The following OSGEPL1 variants were observed in gnomAD, a reference collection of about 807,000 sequenced individuals.
OSGEPL1 encodes O-sialoglycoprotein endopeptidase like 1.
In OSGEPL1, 26 loss-of-function variants were observed where a neutral mutation model predicts 37.2. The ratio of observed to expected loss-of-function variants is 0.70; its 90% CI spans 0.51 to 0.97. OSGEPL1 has a LOEUF of 0.97. Among genes scored for constraint, OSGEPL1 ranks in the 50% least tolerant of loss-of-function variants. The pLI is 0.00. For missense variants in OSGEPL1, 404 were observed against 487.0 expected (o/e 0.83, Z 1.60); for synonymous variants, 140 against 159.9 (o/e 0.88, Z 0.94).
chr2:189,751,444 GTTTT>G (rs779920289), intron 7 of OSGEPL1, among the ~76,000 whole-genome samples: 2 of 126,126 alleles, frequency 1.6e-5, no homozygotes, highest in Admixed American at 8.4e-5. Context: ...GACAAGTTGT[GTTTT>G]TTTTTTTTTT....
upstream of OSGEPL1, chr2:189,763,157 T>C: frequency 1.0e-6 from 1 of 984,858 alleles, no homozygotes; most frequent in Non-Finnish European, 1.2e-6. Context: ...AACTTAGGGG[T>C]GAGGTACCTG....
At position 189,755,293 on chromosome 2, in the gene OSGEPL1, A is replaced by G. The variant is rs748741114; in HGVS notation, c.489T>C (p.Phe163=). ...CAGAAATCAAAAGAACTAAAAAAGGAAATTCTACTTTATTGGTCAACCTAA... is the reference window on the plus strand; with the variant it reads ...CAGAAATCAAAAGAACTAAAAAAGGGAATTCTACTTTATTGGTCAACCTAA... ...LTIRLTNKVE[F]PFLVLLISGG... Residue 163 remains phenylalanine (F), a synonymous_variant, in exon 3 of 9, where the codon TTT becomes TTC. Coordinates refer to ENST00000264151, the MANE Select transcript of OSGEPL1 (RefSeq NM_022353.3). The G allele has an allele frequency of 6.2e-7, 1 of 1,613,542 alleles. No individual in the cohort carries two copies. Among genetic ancestry groups the G allele is most frequent in the Non-Finnish European group, 8.5e-7 (1 of 1,179,738 alleles).
At chr2:189,749,244 T>TTA (rs757098359) in intron 8 of OSGEPL1, among the ~76,000 whole-genome samples, 3 of 63,254 alleles carry the variant, frequency 4.7e-5, no homozygotes, top group African/African-American at 1.3e-4. Context: ...AGACTCTGTC[T>TTA]AAAAAAAAAA....
At chr2:189,754,423 A>G in intron 3 of OSGEPL1, 78 bp from the exon 4 acceptor site, 5 of 1,334,842 alleles carry the variant, frequency 3.7e-6, no homozygotes, top group Non-Finnish European at 5.1e-6. Flanking sequence ...ATAAATTGAA[A>G]ATTACTAACA....
chr2:189,753,068 A>G (rs2045531223), intron 5 of OSGEPL1, 89 bp from the exon 6 acceptor site: 2 of 1,201,148 alleles, frequency 1.7e-6, no homozygotes, highest in Non-Finnish European at 2.3e-6. Context: ...TCAGCATTAA[A>G]CAATAATAAA....
chr2:189,753,183 G>T (rs2045555152), intron 5 of OSGEPL1: 2 of 341,908 alleles, frequency 5.8e-6, no homozygotes. Context: ...AACATTACTA[G>T]CATTTTTGTA....
At position 189,755,584 on chromosome 2, in the gene OSGEPL1, T is replaced by A. The variant is rs756662240; in HGVS notation, c.222-24A>T. On this transcript the variant is annotated intron_variant, in intron 2 of 8. Coordinates refer to ENST00000264151, the MANE Select transcript of OSGEPL1 (RefSeq NM_022353.3). ...TTCTGAAAGAAAGAAAGACAGCATT[T>A]TGTAGTTTTAAGATTGTAAAAATGA... is the stretch of plus-strand genomic sequence containing the variant. 1.3e-5 allele frequency: 20 copies of A among 1,572,704 alleles called. No individual in the cohort carries two copies. The Admixed American group carries it at 4.0e-4, about 31-fold the overall frequency.
intron 5 of OSGEPL1, 156 bp from the exon 6 acceptor site, chr2:189,753,135 G>A: frequency 9.1e-6 from 5 of 547,052 alleles, no homozygotes; most frequent in South Asian, 1.1e-4. Flanking sequence ...ATAAAAATTT[G>A]GAAAGAAAAA....
chr2:189,756,381 T>TA (rs1349924261), intron 2 of OSGEPL1, among the ~76,000 whole-genome samples: 1 of 152,146 alleles, frequency 6.6e-6, no homozygotes, highest in East Asian at 1.9e-4. Context: ...AGCAATAAAA[T>TA]AGAGTCTGCA....
intron 2 of OSGEPL1, among the ~76,000 whole-genome samples, chr2:189,759,755 AT>A (rs2046696882): frequency 6.6e-6 from 1 of 151,662 alleles, no homozygotes; most frequent in Admixed American, 6.6e-5. Flanking sequence ...TTATTTATTT[AT>A]TTATTTATTT....
chr2:189,752,884 G>C lies in OSGEPL1; in HGVS notation c.1059C>G (p.Pro353=). 6.2e-7 allele frequency: 1 copy of C among 1,613,878 alleles called. No individual in the cohort carries two copies. The highest frequency in any genetic ancestry group is 8.5e-7 in the Non-Finnish European group (1 of 1,179,818). ...ATQCTLLCPP[P]RLCTDNGIMI... The stretch of plus-strand genomic sequence containing the variant: ...TAATGCCATTATCAGTGCATAGTCT[G>C]GGAGGAGGACACAACAAAGTGCACT... Residue 353 remains proline, a synonymous_variant, in exon 6 of 9, where the codon CCC becomes CCG. Coordinates refer to ENST00000264151, the MANE Select transcript of OSGEPL1 (RefSeq NM_022353.3).
chr2:189,751,748 G>A (rs2045284612), intron 7 of OSGEPL1, among the ~76,000 whole-genome samples: 1 of 151,690 alleles, frequency 6.6e-6, no homozygotes, highest in Middle Eastern at 3.2e-3. Flanking sequence ...CCTGGCCAAT[G>A]CTGACAAGTT....
At chr2:189,750,390 T>A (rs2044971287) in intron 8 of OSGEPL1, 160 bp downstream of exon 8, 2 of 415,008 alleles carry the variant, frequency 4.8e-6, no homozygotes, top group Admixed American at 8.5e-5. Context: ...AAAAACTATC[T>A]TCCCTTGTAA....
rs548732302 is a variant in OSGEPL1, at chr2:189,759,666, A to G, written c.221+1754T>C. 9.4e-4 allele frequency among the ~76,000 whole-genome samples: 143 copies of G among 152,366 alleles called. 1 individual carries two copies. Among genetic ancestry groups the G allele is most frequent in the Middle Eastern group, 3.4e-3 (1 of 294 alleles). On this transcript the variant is annotated intron_variant, in intron 2 of 8. Transcript: ENST00000264151. ...GATTCAAATACAGGACTGTGATTCC[A>G]AAATACCAGGCTTTTTCACTATTCA... is the stretch of plus-strand genomic sequence containing the variant.
upstream of OSGEPL1, chr2:189,762,975 A>C: frequency 1.0e-6 from 1 of 985,376 alleles, no homozygotes; most frequent in Non-Finnish European, 1.2e-6. Context: ...TGACTGATCC[A>C]GCGGAGGCCG....
upstream of OSGEPL1, chr2:189,763,169 T>C (rs556826834): frequency 6.2e-5 from 61 of 985,302 alleles, no homozygotes; most frequent in African/African-American, 9.9e-4. Context: ...AGGTACCTGA[T>C]ACTTTCATCG....
chr2:189,759,070 T>A (rs2046548506), intron 2 of OSGEPL1, among the ~76,000 whole-genome samples: 1 of 152,166 alleles, frequency 6.6e-6, no homozygotes, highest in Non-Finnish European at 1.5e-5. Context: ...GGTCTAGACA[T>A]CATGTCTCCA....
chr2:189,762,645 A>T (rs1200277527), intron 1 of OSGEPL1, 40 bp downstream of exon 1: 54 of 985,312 alleles, frequency 5.5e-5, no homozygotes, highest in Non-Finnish European at 6.5e-5. Context: ...CCAGGTGCGC[A>T]AAAGCGTCAG....
chr2:189,750,116 GA>G (rs770078599), intron 8 of OSGEPL1, among the ~76,000 whole-genome samples: 5 of 152,054 alleles, frequency 3.3e-5, no homozygotes, highest in African/African-American at 7.2e-5. Context: ...GACAGAGGGA[GA>G]TTATCTCCAA....
Sources: allele counts gnomAD v4.1 joint callset (sites outside exome capture counted in the v4.1 genomes callset), GRCh38; gene constraint gnomAD v4.1.1; transcripts MANE v1.5; gene names NCBI Gene and HGNC (gene_info 2026-07-23, HGNC 2026-07-21).